Variants in LINGO1 observed in about 807,000 individuals in gnomAD.
LINGO1 encodes leucine-rich repeat and immunoglobulin-like domain-containing nogo receptor-interacting protein 1.
Under a neutral mutation model 37.3 loss-of-function variants are expected in LINGO1, and 11 were observed. The observed-to-expected ratio is 0.29, with a 90% confidence interval of 0.19 to 0.49. The LOEUF is 0.49. Among genes scored for constraint, LINGO1 ranks in the 20% least tolerant of loss-of-function variants. The pLI is 0.99. For missense variants in LINGO1, 585 were observed against 878.2 expected (o/e 0.67, Z 4.22); for synonymous variants, 387 against 403.0 (o/e 0.96, Z 0.48).
chr15:77,627,895 G>A (rs1411506159), intron 1 of LINGO1, among the ~76,000 whole-genome samples: 2 of 152,200 alleles, frequency 1.3e-5, no homozygotes, highest in African/African-American at 2.4e-5. Context: ...AACGGGTGCC[G>A]ATGGGATGAC....
intron 1 of LINGO1, among the ~76,000 whole-genome samples, chr15:77,754,614 G>A (rs953498243): frequency 6.6e-6 from 1 of 152,242 alleles, no homozygotes; most frequent in Non-Finnish European, 1.5e-5. Context: ...GTGCGCAGTG[G>A]GTGGCAGTCC....
intron 1 of LINGO1, among the ~76,000 whole-genome samples, chr15:77,771,077 T>C (rs889946133): frequency 6.6e-6 from 1 of 152,124 alleles, no homozygotes. Flanking sequence ...CAAACAGAGA[T>C]GGGATAACAG....
At chr15:77,805,437 C>T (rs1432653374) in intron 1 of LINGO1, among the ~76,000 whole-genome samples, 1 of 152,216 alleles carries the variant, frequency 6.6e-6, no homozygotes, top group Non-Finnish European at 1.5e-5. Context: ...CCCAGGTCCC[C>T]AGAGTCTGAT....
At chr15:77,631,549 G>A (rs936539152) in intron 1 of LINGO1, among the ~76,000 whole-genome samples, 1 of 152,124 alleles carries the variant, frequency 6.6e-6, no homozygotes, top group African/African-American at 2.4e-5. Context: ...TGAGAGCAGA[G>A]AGCCCACAGC....
rs554626868 is a variant in LINGO1, at chr15:77,766,764, T to C, written c.-257+20105A>G. 2.4e-4 allele frequency among the ~76,000 whole-genome samples: 37 copies of C among 152,342 alleles called. No individual in the cohort carries two copies. In the South Asian group the frequency reaches 7.3e-3, roughly 30 times the overall value. On this transcript the variant is annotated intron_variant, in intron 1 of 3. Transcript: ENST00000561686. Reference sequence around the variant, plus strand: ...CAGAACTATGAGTCAATTAAACCTCTTTCCTTTACAAATTACCCAGTCTCA... The same window carrying C: ...CAGAACTATGAGTCAATTAAACCTCCTTCCTTTACAAATTACCCAGTCTCA...
In LINGO1 at chr15:77,738,728, A is replaced by G. The variant is rs2076226653; in HGVS notation, c.-256-3675T>C. ...ATGTGCAGTGCTTGGCACCCAGGAG[A>G]CAGTCAATACATATTTGCTGAAGGA... On this transcript the variant is annotated intron_variant, in intron 1 of 3. Coordinates refer to the LINGO1 transcript ENST00000561686. 2.8e-5 allele frequency among the ~76,000 whole-genome samples: 4 copies of G among 144,250 alleles called. No individual in the cohort carries two copies. The South Asian group carries it at 8.6e-4, about 31-fold the overall frequency. The allele number at this position is 144,250 out of a possible 152,430, so 94.6% of individuals were successfully genotyped here.
chr15:77,781,595 G>A (rs1373055637), intron 1 of LINGO1, among the ~76,000 whole-genome samples: 4 of 152,196 alleles, frequency 2.6e-5, no homozygotes, highest in African/African-American at 4.8e-5. Flanking sequence ...GTCGCTGCAC[G>A]TGGTGCCTCA....
upstream of LINGO1, chr15:77,787,285 A>C (rs529255001): frequency 4.6e-5 from 7 of 152,400 alleles, no homozygotes; most frequent in South Asian, 1.5e-3. Flanking sequence ...CATCCTTAGC[A>C]AATCCCAATT....
chr15:77,748,707 T>C (rs191222942), intron 1 of LINGO1, among the ~76,000 whole-genome samples: 2 of 151,866 alleles, frequency 1.3e-5, no homozygotes, highest in Non-Finnish European at 1.5e-5. Context: ...TTTTCTTTTC[T>C]TTTATTGGGG....
At chr15:77,765,712 G>A (rs1270020491) in intron 1 of LINGO1, among the ~76,000 whole-genome samples, 1 of 152,118 alleles carries the variant, frequency 6.6e-6, no homozygotes, top group Non-Finnish European at 1.5e-5. Context: ...ACTGAAAACT[G>A]AAGGAGTAGT....
chr15:77,716,409 T>C (rs919095109), intron 2 of LINGO1, among the ~76,000 whole-genome samples: 2 of 148,302 alleles, frequency 1.3e-5, no homozygotes, highest in South Asian at 4.4e-4. Context: ...GCCTCGCAAG[T>C]AGCTAGGACT....
chr15:77,661,565 C>T (rs1315698969), intron 3 of LINGO1, among the ~76,000 whole-genome samples: 1 of 152,242 alleles, frequency 6.6e-6, no homozygotes. Flanking sequence ...CAGCGCCAGA[C>T]ACTATCTGTT....
At chr15:77,762,370 G>C (rs28635388) in intron 1 of LINGO1, among the ~76,000 whole-genome samples, 4,983 of 152,298 alleles carry the variant, frequency 0.033, 265 homozygotes, top group African/African-American at 0.11. Flanking sequence ...CTCCAGAGGA[G>C]CAGGCCGTGG....
rs965826353 is a variant in LINGO1 at position 77,613,802 on chromosome 15, A to C, written c.*242T>G. 1.4e-5 allele frequency: 7 copies of C among 500,996 alleles called. No individual in the cohort carries two copies. The highest frequency in any genetic ancestry group is 3.4e-5 in the Admixed American group (1 of 29,324). The allele number at this position is 500,996 out of a possible 1,614,324, so 31.0% of individuals were successfully genotyped here. On this transcript the variant is annotated 3_prime_UTR_variant, in exon 2 of 2. Coordinates refer to ENST00000355300, the MANE Select transcript of LINGO1 (RefSeq NM_032808.7). ...CCGCGTGTCGGTTCGTCGGCTTTCA[A>C]CTCCAGTCTGTCAATGCCCCTGTGT...
At chr15:77,639,647 A>G (rs973144979) in intron 3 of LINGO1, among the ~76,000 whole-genome samples, 1 of 152,206 alleles carries the variant, frequency 6.6e-6, no homozygotes, top group Non-Finnish European at 1.5e-5. Context: ...CAGTGAAAAC[A>G]GCTATGTTGG....
At chr15:77,687,050 C>A (rs2075522650) in intron 2 of LINGO1, among the ~76,000 whole-genome samples, 1 of 152,184 alleles carries the variant, frequency 6.6e-6, no homozygotes, top group African/African-American at 2.4e-5. Context: ...ATTGGCATAT[C>A]CACGACAATG....
intron 1 of LINGO1, among the ~76,000 whole-genome samples, chr15:77,812,251 C>A (rs2077011751): frequency 6.6e-6 from 1 of 152,244 alleles, no homozygotes; most frequent in African/African-American, 2.4e-5. Flanking sequence ...CAGCCCAGGG[C>A]TGGGGGTCCT....
intron 1 of LINGO1, among the ~76,000 whole-genome samples, chr15:77,758,090 G>A (rs754423112): frequency 1.3e-5 from 2 of 152,116 alleles, no homozygotes; most frequent in Admixed American, 6.6e-5. Flanking sequence ...CCCCTCCCTC[G>A]CCTCCCAATT....
At chr15:77,628,504 T>G (rs28575624) in intron 1 of LINGO1, among the ~76,000 whole-genome samples, 26,871 of 152,120 alleles carry the variant, frequency 0.18, 5,045 homozygotes, top group African/African-American at 0.47. Context: ...TAACTAAAAC[T>G]GAACTACTTA....
Sources: allele counts gnomAD v4.1 joint callset (sites outside exome capture counted in the v4.1 genomes callset), GRCh38; gene constraint gnomAD v4.1.1; transcripts MANE v1.5; gene names NCBI Gene and HGNC (gene_info 2026-07-23, HGNC 2026-07-21).